Variants in EXTL3 observed in about 807,000 individuals in gnomAD.
EXTL3 encodes exostosin like glycosyltransferase 3.
EXTL3 carries 27 observed loss-of-function variants against 69.3 expected under a neutral mutation model. That is an observed-to-expected ratio of 0.39 (90% CI 0.29 to 0.54). The LOEUF is 0.54. Among genes scored for constraint, EXTL3 ranks in the 20% least tolerant of loss-of-function variants. EXTL3 has a pLI of 0.69. For missense variants in EXTL3, 1,003 were observed against 1,231.8 expected (o/e 0.81, Z 2.78); for synonymous variants, 511 against 499.4 (o/e 1.02, Z -0.31).
intron 3 of EXTL3, among the ~76,000 whole-genome samples, chr8:28,720,652 C>T (rs1319511313): frequency 6.6e-6 from 1 of 152,216 alleles, no homozygotes; most frequent in Non-Finnish European, 1.5e-5. Flanking sequence ...AAGAGAACTT[C>T]AGCACAAATG....
intron 4 of EXTL3, among the ~76,000 whole-genome samples, chr8:28,735,718 G>A (rs2130780638): frequency 1.3e-5 from 2 of 152,298 alleles, no homozygotes; most frequent in Admixed American, 1.3e-4. Context: ...GTAAGTCTAA[G>A]AATTCTTTCT....
intron 1 of EXTL3, among the ~76,000 whole-genome samples, chr8:28,627,932 G>A (rs1463166348): frequency 6.6e-6 from 1 of 152,262 alleles, no homozygotes; most frequent in South Asian, 2.1e-4. Context: ...GCTAGGGGGA[G>A]GAGGAGTGGG....
upstream of EXTL3, among the ~76,000 whole-genome samples, chr8:28,619,918 T>G (rs369014799): frequency 5.6e-4 from 69 of 123,432 alleles, no homozygotes; most frequent in South Asian, 1.8e-3. Context: ...TCTCCCAGGC[T>G]GGAGTACAGT....
At chr8:28,648,896 T>G (rs796209147) in intron 1 of EXTL3, among the ~76,000 whole-genome samples, 6 of 151,982 alleles carry the variant, frequency 3.9e-5, no homozygotes, top group African/African-American at 1.4e-4. Flanking sequence ...TGTTTTGGTT[T>G]GTTTGTTTGT....
chr8:28,617,726 A>G (rs889649224), intron 2 of EXTL3, among the ~76,000 whole-genome samples: 1 of 152,218 alleles, frequency 6.6e-6, no homozygotes, highest in African/African-American at 2.4e-5. Context: ...TGGAGACTGC[A>G]GTGAGATAGT....
At chr8:28,718,228 TC>T in intron 3 of EXTL3, 21 bp downstream of exon 3, 1 of 1,608,784 alleles carries the variant, frequency 6.2e-7, no homozygotes, top group Non-Finnish European at 8.5e-7. Flanking sequence ...AACGAACAGT[TC>T]GTTTTGGTGC....
chr8:28,686,835 TTTTAC>T (rs1281335549), intron 1 of EXTL3, among the ~76,000 whole-genome samples: 1 of 152,174 alleles, frequency 6.6e-6, no homozygotes, highest in East Asian at 1.9e-4. Flanking sequence ...GTGCCAGCTA[TTTTAC>T]ATATGATATC....
intron 1 of EXTL3, among the ~76,000 whole-genome samples, chr8:28,693,447 A>G (rs1800643445): frequency 6.6e-6 from 1 of 152,140 alleles, no homozygotes; most frequent in African/African-American, 2.4e-5. Flanking sequence ...CACAGTGCCC[A>G]GCCACAGAAA....
intron 1 of EXTL3, among the ~76,000 whole-genome samples, chr8:28,688,738 G>A (rs1482938170): frequency 1.3e-5 from 2 of 152,176 alleles, no homozygotes; most frequent in East Asian, 1.9e-4. Flanking sequence ...GGGGTAAAAC[G>A]CTATAGTAAG....
intron 1 of EXTL3, among the ~76,000 whole-genome samples, chr8:28,626,236 G>A (rs992541692): frequency 6.6e-6 from 1 of 151,702 alleles, no homozygotes; most frequent in Non-Finnish European, 1.5e-5. Context: ...CAAAATATGA[G>A]GCCTAGAAAG....
intron 3 of EXTL3, among the ~76,000 whole-genome samples, chr8:28,723,601 G>C (rs532666703): frequency 2.7e-5 from 4 of 149,716 alleles, no homozygotes; most frequent in African/African-American, 9.8e-5. Context: ...CAGGTCACTT[G>C]ACTAACTGAT....
At chr8:28,625,325 T>G (rs529049537) in intron 1 of EXTL3, among the ~76,000 whole-genome samples, 1 of 152,298 alleles carries the variant, frequency 6.6e-6, no homozygotes, top group South Asian at 2.1e-4. Context: ...AGAAGAACCA[T>G]AAAGACATGA....
chr8:28,730,788 C>T (rs904217359), intron 3 of EXTL3, among the ~76,000 whole-genome samples: 1 of 141,456 alleles, frequency 7.1e-6, no homozygotes, highest in Admixed American at 7.1e-5. Context: ...CCCAAAAAGG[C>T]GTTAGAATTG....
intron 1 of EXTL3, among the ~76,000 whole-genome samples, chr8:28,624,415 T>C (rs1585218844): frequency 6.6e-6 from 1 of 151,878 alleles, no homozygotes; most frequent in Non-Finnish European, 1.5e-5. Context: ...AATGAAAAAA[T>C]TAGCCGGCAT....
At chr8:28,732,999 T>C (rs1801571782) in intron 4 of EXTL3, among the ~76,000 whole-genome samples, 1 of 152,240 alleles carries the variant, frequency 6.6e-6, no homozygotes, top group Admixed American at 6.5e-5. Flanking sequence ...CCCAGAGTGC[T>C]GGGATTACAG....
chr8:28,622,774 C>A (rs910382907), exon 1 of EXTL3: 1 of 152,410 alleles, frequency 6.6e-6, no homozygotes, highest in African/African-American at 2.4e-5. Context: ...CTGCAGTGGC[C>A]GCCGCTGGAG....
chr8:28,704,695 G>A (rs539280788), intron 1 of EXTL3, among the ~76,000 whole-genome samples: 12 of 151,084 alleles, frequency 7.9e-5, no homozygotes, highest in African/African-American at 2.7e-4. Flanking sequence ...TTGAGACGGC[G>A]TCTCGCTCTT....
At chr8:28,690,572 A>G (rs187121919) in intron 1 of EXTL3, among the ~76,000 whole-genome samples, 1 of 152,110 alleles carries the variant, frequency 6.6e-6, no homozygotes, top group East Asian at 1.9e-4. Context: ...AGATTATTTC[A>G]TCAAGCTGGG....
intron 1 of EXTL3, among the ~76,000 whole-genome samples, chr8:28,703,727 T>C (rs1375768424): frequency 6.6e-6 from 1 of 152,184 alleles, no homozygotes; most frequent in East Asian, 1.9e-4. Context: ...TGTATGTTAC[T>C]CTAGAGTGAG....
Sources: allele counts gnomAD v4.1 joint callset (sites outside exome capture counted in the v4.1 genomes callset), GRCh38; gene constraint gnomAD v4.1.1; transcripts MANE v1.5; gene names NCBI Gene and HGNC (gene_info 2026-07-23, HGNC 2026-07-21).